Variants in GRIA1 observed in about 807,000 individuals in gnomAD.
The protein encoded by GRIA1 is glutamate receptor 1.
A neutral mutation model predicts 99.2 loss-of-function variants in GRIA1; 31 were observed. That is an observed-to-expected ratio of 0.31 (90% CI 0.23 to 0.42). GRIA1 has a LOEUF of 0.42. GRIA1 is among the 10% of genes least tolerant of loss of function. The probability of loss-of-function intolerance (pLI) is 1.00; values close to 1 mark genes in which losing one functional copy is unlikely to be tolerated. For missense variants in GRIA1, 782 were observed against 1,157.5 expected (o/e 0.68, Z 4.71); for synonymous variants, 438 against 432.4 (o/e 1.01, Z -0.16).
Position 153,698,489 on chromosome 5 carries a change from C to T in GRIA1, c.1245+335C>T, listed in dbSNP as rs147136736. Among the ~76,000 whole-genome samples the T allele has an allele frequency of 4.2e-3, 634 of 152,280 alleles. 3 individuals carry two copies. Among genetic ancestry groups the T allele is most frequent in the African/African-American group, 0.014 (595 of 41,552 alleles). On this transcript the variant is annotated intron_variant, in intron 9 of 15. Transcript: ENST00000285900. ...AGCTATTTTCAAAGAAAGTCCAATA[C>T]ATAAAGTAGCTGTAAGTGAAGATGC... is the stretch of plus-strand genomic sequence containing the variant.
intron 2 of GRIA1, among the ~76,000 whole-genome samples, chr5:153,501,521 T>C (rs920839836): frequency 1.8e-4 from 27 of 152,158 alleles, no homozygotes; most frequent in African/African-American, 6.5e-4. Flanking sequence ...TGGATTTTGA[T>C]CTTTAGCTCA....
chr5:153,610,291 G>A (rs770054144), intron 2 of GRIA1, among the ~76,000 whole-genome samples: 5 of 152,166 alleles, frequency 3.3e-5, no homozygotes, highest in Non-Finnish European at 7.4e-5. Flanking sequence ...GATCCAAGTA[G>A]GATGAAAACA....
intron 2 of GRIA1, among the ~76,000 whole-genome samples, chr5:153,496,697 A>G (rs1263020290): frequency 6.6e-6 from 1 of 152,158 alleles, no homozygotes; most frequent in Non-Finnish European, 1.5e-5. Flanking sequence ...TTAATTGAGT[A>G]AAAAATGTCA....
chr5:153,650,566 A>G, intron 4 of GRIA1, 52 bp downstream of exon 4: 1 of 1,551,580 alleles, frequency 6.4e-7, no homozygotes, highest in Non-Finnish European at 8.8e-7. Flanking sequence ...ATTCAGGAAT[A>G]GCCAGACACA....
intron 13 of GRIA1, among the ~76,000 whole-genome samples, chr5:153,775,018 T>C (rs943265642): frequency 2.0e-5 from 3 of 152,204 alleles, no homozygotes; most frequent in African/African-American, 4.8e-5. Flanking sequence ...GGGGCTGTTA[T>C]GTTTCACAAG....
chr5:153,530,065 A>G (rs1757953205), intron 2 of GRIA1, among the ~76,000 whole-genome samples: 1 of 152,146 alleles, frequency 6.6e-6, no homozygotes, highest in Non-Finnish European at 1.5e-5. Context: ...AACAACTCTA[A>G]CTGTGAGCAC....
At chr5:153,806,319 T>A (rs1249654673) in intron 15 of GRIA1, among the ~76,000 whole-genome samples, 2 of 152,096 alleles carry the variant, frequency 1.3e-5, no homozygotes, top group African/African-American at 4.8e-5. Flanking sequence ...AGGCTGGAGT[T>A]CAGTGGTGCA....
At chr5:153,564,360 T>C (rs906906708) in intron 2 of GRIA1, among the ~76,000 whole-genome samples, 2 of 152,166 alleles carry the variant, frequency 1.3e-5, no homozygotes, top group African/African-American at 2.4e-5. Flanking sequence ...AGCATAGAGA[T>C]TAAGAACCTG....
chr5:153,587,818 G>A (rs1013379747), intron 2 of GRIA1, among the ~76,000 whole-genome samples: 32 of 152,110 alleles, frequency 2.1e-4, no homozygotes, highest in African/African-American at 7.7e-4. Flanking sequence ...ATTTCCAGGG[G>A]GGCATATTCT....
chr5:153,653,690 A>T (rs1754735885), intron 4 of GRIA1, among the ~76,000 whole-genome samples: 1 of 152,272 alleles, frequency 6.6e-6, no homozygotes, highest in Middle Eastern at 3.4e-3. Context: ...TATATTGACC[A>T]TCTGGCACCC....
At chr5:153,517,287 G>A (rs1561603569) in intron 2 of GRIA1, among the ~76,000 whole-genome samples, 1 of 152,142 alleles carries the variant, frequency 6.6e-6, no homozygotes, top group Non-Finnish European at 1.5e-5. Context: ...GTGCCTGCAT[G>A]GCTTTATTTT....
chr5:153,498,854 C>G (rs1393069049), intron 2 of GRIA1, among the ~76,000 whole-genome samples: 1 of 152,190 alleles, frequency 6.6e-6, no homozygotes, highest in East Asian at 1.9e-4. Context: ...ACCAAAGTTT[C>G]CATTACTTCC....
rs77412427 is a variant in GRIA1 at position 153,665,228 on chromosome 5, G to A, written c.700-9272G>A. Among the ~76,000 whole-genome samples, 1,285 of 152,290 alleles carry A rather than the reference G, an allele frequency of 8.4e-3. 23 individuals are homozygous for A. Among genetic ancestry groups the A allele is most frequent in the African/African-American group, 0.029 (1,187 of 41,544 alleles). ...CCAGCATTTTATCCTAAATCCCAGG[G>A]CTAAGAGAAATTAGTTTGTGAGACC... On this transcript the variant is annotated intron_variant, in intron 5 of 15. Transcript: ENST00000285900.
intron 2 of GRIA1, among the ~76,000 whole-genome samples, chr5:153,510,098 C>A (rs1021312432): frequency 2.0e-5 from 3 of 152,088 alleles, no homozygotes; most frequent in African/African-American, 7.2e-5. Flanking sequence ...CTTTTTAGTT[C>A]TCGAGGTCTT....
chr5:153,650,113 C>T (rs1754444575), intron 3 of GRIA1, among the ~76,000 whole-genome samples: 1 of 152,200 alleles, frequency 6.6e-6, no homozygotes, highest in Non-Finnish European at 1.5e-5. Context: ...ATTTGAGCCT[C>T]AGATTGTTTT....
chr5:153,725,445 A>C lies in GRIA1; in HGVS notation c.1823+19378A>C, dbSNP rs1760446341. ...ACTAAATGCTCCAATTAAAAGACACAGAGCGGCAAATTGGATAGTCAAGAC... is the reference window on the plus strand; with the variant it reads ...ACTAAATGCTCCAATTAAAAGACACCGAGCGGCAAATTGGATAGTCAAGAC... On this transcript the variant is annotated intron_variant, in intron 11 of 15. Transcript: ENST00000285900. Among the ~76,000 whole-genome samples the C allele has an allele frequency of 1.5e-5, 2 of 137,034 alleles. 1 individual carries two copies. The highest frequency in any genetic ancestry group is 5.6e-4 in the South Asian group (2 of 3,546). 89.9% of individuals were successfully genotyped at this position (137,034 alleles called of 152,430 possible). A position where few individuals can be genotyped will look rare whatever the true frequency, so the allele number is the denominator to read the frequency against.
rs377580661 is a variant in GRIA1 at position 153,599,177 on chromosome 5, C to T, written c.221-47751C>T. On this transcript the variant is annotated intron_variant, in intron 2 of 15. Transcript: ENST00000285900. ...GATTACAGGCATGAGCCACTGTACC[C>T]GGCCAGGGCTGTTGATTTTATATAA... Among the ~76,000 whole-genome samples, 21 of 152,248 alleles carry T rather than the reference C, an allele frequency of 1.4e-4. No individual in the cohort carries two copies. The East Asian group carries it at 1.9e-3, about 14-fold the overall frequency.
chr5:153,709,591 G>T (rs1409197023), intron 11 of GRIA1, among the ~76,000 whole-genome samples: 1 of 152,208 alleles, frequency 6.6e-6, no homozygotes, highest in Non-Finnish European at 1.5e-5. Flanking sequence ...GTAGCAGGTA[G>T]TGGCTTGTGG....
rs1471962987 is a variant in GRIA1 at position 153,727,127 on chromosome 5, G to A, written c.1823+21060G>A. On this transcript the variant is annotated intron_variant, in intron 11 of 15. Coordinates refer to ENST00000285900, the MANE Select transcript of GRIA1 (RefSeq NM_000827.4). ...AATCCAGCATATAAACAGAACCAAAGACAAAAACCACATGATTATCTCAAT... is the reference window on the plus strand; with the variant it reads ...AATCCAGCATATAAACAGAACCAAAAACAAAAACCACATGATTATCTCAAT... Among the ~76,000 whole-genome samples, 13 of 152,086 alleles carry A rather than the reference G, an allele frequency of 8.5e-5. 1 individual carries two copies. The East Asian group carries it at 2.1e-3, about 25-fold the overall frequency.
Sources: allele counts gnomAD v4.1 joint callset (sites outside exome capture counted in the v4.1 genomes callset), GRCh38; gene constraint gnomAD v4.1.1; transcripts MANE v1.5; gene names NCBI Gene and HGNC (gene_info 2026-07-23, HGNC 2026-07-21).